Variants in EIF4ENIF1 observed in about 807,000 individuals in gnomAD.
EIF4ENIF1 encodes the protein eukaryotic translation initiation factor 4E nuclear import factor 1.
EIF4ENIF1 carries 23 observed loss-of-function variants against 110.5 expected under a neutral mutation model. The ratio of observed to expected loss-of-function variants is 0.21; its 90% CI spans 0.15 to 0.29. The LOEUF (loss-of-function observed/expected upper bound fraction) is 0.29, where lower values mean the gene tolerates loss of function less well. Among genes scored for constraint, EIF4ENIF1 ranks in the 10% least tolerant of loss-of-function variants. The probability of loss-of-function intolerance (pLI) is 1.00; values close to 1 mark genes in which losing one functional copy is unlikely to be tolerated. For synonymous variants in EIF4ENIF1, 440 were observed against 437.0 expected (o/e 1.01, Z -0.09); for missense variants, 1,031 against 1,221.1 (o/e 0.84, Z 2.32).
At position 31,454,553 on chromosome 22, in the gene EIF4ENIF1, G is replaced by C; in HGVS notation, c.1280-177C>G. 4.9e-6 allele frequency: 3 copies of C among 612,390 alleles called. No individual in the cohort carries two copies. The South Asian group carries it at 6.0e-5, about 12-fold the overall frequency. 37.9% of individuals were successfully genotyped at this position (612,390 alleles called of 1,614,324 possible). A position where few individuals can be genotyped will look rare whatever the true frequency, so the allele number is the denominator to read the frequency against. On this transcript the variant is annotated intron_variant, in intron 9 of 18. Coordinates refer to ENST00000330125, the MANE Select transcript of EIF4ENIF1 (RefSeq NM_019843.4). ...CACTTAAAATCAAATTGTGTACTAA[G>C]AGATGGCATAAACTAAACCTAAAAT...
chr22:31,463,648 A>G, intron 5 of EIF4ENIF1, 33 bp downstream of exon 5: 2 of 1,393,258 alleles, frequency 1.4e-6, no homozygotes, highest in Middle Eastern at 2.0e-4. Context: ...CTCCGTCTCA[A>G]TTTAAAAAAA....
At position 31,441,795 on chromosome 22, in the gene EIF4ENIF1, G is replaced by A; in HGVS notation, c.2530C>T (p.Leu844Phe). The A allele has an allele frequency of 6.2e-7, 1 of 1,611,534 alleles. No homozygotes were observed. Among genetic ancestry groups the A allele is most frequent in the Non-Finnish European group, 8.5e-7 (1 of 1,178,126 alleles). The change falls in exon 17 of 19, where the codon CTT (leucine) becomes TTT (phenylalanine). Residue 844 changes from leucine to phenylalanine, a missense_variant. Leu to Phe is a conservative substitution (Grantham distance 22). Coordinates refer to ENST00000330125, the MANE Select transcript of EIF4ENIF1 (RefSeq NM_019843.4). Reference protein sequence around the residue: ...MLAQGVHPQHLPSLLQTGVLP... With the variant: ...MLAQGVHPQHFPSLLQTGVLP... ...TCACCAGTTTGGAGCAAACTTGGAA[G>A]ATGCTGTGGATGTACTCCCTGGGCC...
At chr22:31,450,247 C>G (rs1422318251) in intron 11 of EIF4ENIF1, 42 bp downstream of exon 11, 1 of 1,548,866 alleles carries the variant, frequency 6.5e-7, no homozygotes, top group South Asian at 1.1e-5. Context: ...CAGAAGACTA[C>G]TGTTCAAGAC....
At chr22:31,464,171 A>G in intron 4 of EIF4ENIF1, 1 of 562,736 alleles carries the variant, frequency 1.8e-6, no homozygotes, top group Admixed American at 3.6e-5. Flanking sequence ...CTTTGCAGCA[A>G]TAGAAGTACG....
At chr22:31,487,322 T>C (rs747317045) in intron 2 of EIF4ENIF1, among the ~76,000 whole-genome samples, 6 of 152,228 alleles carry the variant, frequency 3.9e-5, no homozygotes, top group Non-Finnish European at 5.9e-5. Flanking sequence ...ACTTTACACC[T>C]GAAAACATTT....
chr22:31,489,500 T>A (rs1297598395), intron 1 of EIF4ENIF1, 194 bp downstream of exon 1: 1 of 145,924 alleles, frequency 6.9e-6, no homozygotes, highest in Non-Finnish European at 1.5e-5. Context: ...GGCGGCTCGG[T>A]CCCCGCCAGC....
intron 14 of EIF4ENIF1, 37 bp from the exon 15 acceptor site, chr22:31,444,727 T>G (rs745441506): frequency 4.4e-6 from 7 of 1,596,254 alleles, no homozygotes; most frequent in Non-Finnish European, 6.0e-6. Context: ...AACCCCAATC[T>G]GCTTAACTTC....
At chr22:31,440,583 C>T (rs1046628030) in intron 18 of EIF4ENIF1, 121 bp downstream of exon 18, 7 of 1,263,144 alleles carry the variant, frequency 5.5e-6, no homozygotes, top group Non-Finnish European at 7.6e-6. Flanking sequence ...TACACTTTGT[C>T]CCAAACTTAG....
chr22:31,459,853 G>C (rs12484966), intron 6 of EIF4ENIF1, among the ~76,000 whole-genome samples: 5,995 of 152,236 alleles, frequency 0.039, 281 homozygotes, highest in African/African-American at 0.095. Context: ...TCCAGGCTCT[G>C]CCATGAAATC....
chr22:31,439,940 T>C lies in EIF4ENIF1; in HGVS notation c.2898A>G (p.Gln966=). The C allele has an allele frequency of 6.2e-7, 1 of 1,614,094 alleles. No homozygotes were observed. Reference sequence around the variant, plus strand: ...CTTTGGCGGGCATGGAGGGCAGGGGTTGCTGTAGCACATCTGAGCCAAACC... The same window carrying C: ...CTTTGGCGGGCATGGAGGGCAGGGGCTGCTGTAGCACATCTGAGCCAAACC... ...AKWFGSDVLQ[Q]PLPSMPAKVI... The change falls in exon 19 of 19, where the codon CAA becomes CAG. Residue 966 remains glutamine (Q), a synonymous_variant. Transcript: ENST00000330125.
In EIF4ENIF1 at chr22:31,439,971, G is replaced by T. The variant is rs760650572; in HGVS notation, c.2867C>A (p.Ala956Asp). The change falls in exon 19 of 19, where the codon GCC becomes GAC. Residue 956 changes from alanine (A) to aspartate (D), a missense_variant. By Grantham distance (126) the Ala-to-Asp change is moderately radical. Coordinates refer to ENST00000330125, the MANE Select transcript of EIF4ENIF1 (RefSeq NM_019843.4). ...SQRSSSPVGL[A>D]KWFGSDVLQQ... The stretch of plus-strand genomic sequence containing the variant: ...TAGCACATCTGAGCCAAACCATTTG[G>T]CAAGGCCCACAGGGGAGCTGCTCCT... 6.2e-7 allele frequency: 1 copy of T among 1,614,004 alleles called. No individual in the cohort carries two copies. Among genetic ancestry groups the T allele is most frequent in the African/African-American group, 1.3e-5 (1 of 74,914 alleles).
intron 4 of EIF4ENIF1, among the ~76,000 whole-genome samples, chr22:31,464,803 C>A (rs1172544344): frequency 7.5e-6 from 1 of 133,394 alleles, no homozygotes; most frequent in Non-Finnish European, 1.6e-5. Flanking sequence ...ATTTCTAGAA[C>A]AAAATATAGG....
At position 31,439,544 on chromosome 22, in the gene EIF4ENIF1, G is replaced by C. The variant is rs766977523; in HGVS notation, c.*336C>G. On this transcript the variant is annotated 3_prime_UTR_variant, in exon 19 of 19. Coordinates refer to ENST00000330125, the MANE Select transcript of EIF4ENIF1 (RefSeq NM_019843.4). ...ATATACAAAAGTTGTTTATACACAGGTCTGTACATAAGGGTCTATACATTT... is the reference window on the plus strand; with the variant it reads ...ATATACAAAAGTTGTTTATACACAGCTCTGTACATAAGGGTCTATACATTT... The C allele has an allele frequency of 1.9e-5, 5 of 268,938 alleles. No individual in the cohort carries two copies. Among genetic ancestry groups the C allele is most frequent in the African/African-American group, 1.1e-4 (5 of 44,312 alleles). 16.7% of individuals were successfully genotyped at this position (268,938 alleles called of 1,614,324 possible).
At chr22:31,484,694 C>T (rs780871603) in intron 2 of EIF4ENIF1, among the ~76,000 whole-genome samples, 18 of 152,180 alleles carry the variant, frequency 1.2e-4, no homozygotes, top group East Asian at 3.9e-4. Flanking sequence ...ATTAGCCGGG[C>T]GTGGTGGCGC....
Position 31,454,218 on chromosome 22 carries a change from C to G in EIF4ENIF1, c.1438G>C (p.Asp480His). ...ACTAGCTTGTTGAACGCAGTCATGT[C>G]TCCGTCTTTCTTCAGTTGTCGATTG... Reference protein sequence around the residue: ...TNNRQLKKDGDMTAFNKLVST... With the variant: ...TNNRQLKKDGHMTAFNKLVST... The change falls in exon 10 of 19, where the codon GAC becomes CAC. Residue 480 changes from aspartate to histidine, a missense_variant. By Grantham distance (81) the Asp-to-His change is moderately conservative (BLOSUM62 -1). Transcript: ENST00000330125. 4 of 1,614,158 alleles carry G rather than the reference C, an allele frequency of 2.5e-6. No individual in the cohort carries two copies. Among genetic ancestry groups the G allele is most frequent in the Non-Finnish European group, 3.4e-6 (4 of 1,180,022 alleles).
intron 2 of EIF4ENIF1, among the ~76,000 whole-genome samples, chr22:31,485,615 G>A (rs2051987457): frequency 6.6e-6 from 1 of 152,100 alleles, no homozygotes; most frequent in East Asian, 1.9e-4. Flanking sequence ...TGGATCACCT[G>A]AGGTCAGGAG....
chr22:31,483,198 C>T (rs2051888830), intron 2 of EIF4ENIF1, among the ~76,000 whole-genome samples: 2 of 141,470 alleles, frequency 1.4e-5, no homozygotes, highest in Non-Finnish European at 1.5e-5. Context: ...GCACCACTGC[C>T]AGGAGACGAT....
intron 2 of EIF4ENIF1, among the ~76,000 whole-genome samples, chr22:31,474,269 C>G (rs1601630930): frequency 6.6e-6 from 1 of 152,072 alleles, no homozygotes; most frequent in African/African-American, 2.4e-5. Context: ...CCACGTTGAC[C>G]AGACTGCTCT....
At chr22:31,464,017 TC>T (rs764798351) in intron 4 of EIF4ENIF1, 50 bp from the exon 5 acceptor site, 1 of 1,562,670 alleles carries the variant, frequency 6.4e-7, no homozygotes, top group Non-Finnish European at 8.6e-7. Context: ...AAGGGTGTTT[TC>T]TTCTTTTTTA....
Sources: gnomAD v4.1 joint callset for allele counts (sites outside exome capture counted in the v4.1 genomes callset) on GRCh38, gnomAD v4.1.1 for gene constraint, MANE v1.5 for transcripts, NCBI Gene and HGNC (gene_info 2026-07-23, HGNC 2026-07-21) for gene names.